Variants in RABL3 observed in about 807,000 individuals in gnomAD.
RABL3 encodes rab-like protein 3.
In RABL3, 31 loss-of-function variants were observed where a neutral mutation model predicts 31.8. The ratio of observed to expected loss-of-function variants is 0.97; its 90% CI spans 0.73 to 1.31. The LOEUF is 1.31. Ranked by LOEUF, RABL3 falls within the 40% of genes most tolerant of loss-of-function variation. RABL3 has a pLI of 0.00. For synonymous variants in RABL3, 97 were observed against 99.9 expected (o/e 0.97, Z 0.18); for missense variants, 263 against 279.6 (o/e 0.94, Z 0.42).
chr3:120,731,680 C>T (rs994421459), intron 1 of RABL3, among the ~76,000 whole-genome samples: 1 of 152,080 alleles, frequency 6.6e-6, no homozygotes, highest in African/African-American at 2.4e-5. Context: ...AAATTTAGAT[C>T]ATCTCTTTGA....
At chr3:120,725,090 C>A (rs549443427) in intron 2 of RABL3, among the ~76,000 whole-genome samples, 1,593 of 80,274 alleles carry the variant, frequency 0.02, 27 homozygotes, top group African/African-American at 0.075. Flanking sequence ...CAATGAACTC[C>A]AACAAATTTA....
At position 120,740,239 on chromosome 3, in the gene RABL3, A is replaced by G. The variant is rs369918664; in HGVS notation, c.46+2223T>C. Among the ~76,000 whole-genome samples, 122 of 152,334 alleles carry G rather than the reference A, an allele frequency of 8.0e-4. 1 individual carries two copies. The highest frequency in any genetic ancestry group is 2.8e-3 in the African/African-American group (117 of 41,570). Reference sequence around the variant, plus strand: ...AAATATCTCAATAGGATAAAAACAAATCACCAAATATCAACTTATTCTTTT... The same window carrying G: ...AAATATCTCAATAGGATAAAAACAAGTCACCAAATATCAACTTATTCTTTT... On this transcript the variant is annotated intron_variant, in intron 1 of 7. Coordinates refer to ENST00000273375, the MANE Select transcript of RABL3 (RefSeq NM_173825.5).
chr3:120,722,029 C>T (rs545223501), intron 2 of RABL3: 1 of 152,300 alleles, frequency 6.6e-6, no homozygotes, highest in Non-Finnish European at 1.5e-5. Context: ...GAAACATACT[C>T]GTAGGCGTAA....
At chr3:120,714,163 C>T (rs1030747068) in intron 2 of RABL3, among the ~76,000 whole-genome samples, 2 of 152,218 alleles carry the variant, frequency 1.3e-5, no homozygotes, top group East Asian at 1.9e-4. Context: ...AAATGATACA[C>T]ATCAAGAAAG....
intron 5 of RABL3, among the ~76,000 whole-genome samples, chr3:120,696,438 GCT>G (rs1209915141): frequency 2.0e-5 from 3 of 151,818 alleles, no homozygotes; most frequent in African/African-American, 7.3e-5. Context: ...TGTTATGTGT[GCT>G]GTGTTCTTGA....
At chr3:120,699,348 C>G (rs994820970) in intron 4 of RABL3, among the ~76,000 whole-genome samples, 3 of 152,088 alleles carry the variant, frequency 2.0e-5, no homozygotes, top group Admixed American at 1.3e-4. Flanking sequence ...GGATCACTGG[C>G]TATTACAATC....
chr3:120,709,134 A>C (rs1257773542), intron 3 of RABL3, among the ~76,000 whole-genome samples: 2 of 151,936 alleles, frequency 1.3e-5, no homozygotes, highest in Non-Finnish European at 2.9e-5. Context: ...TTTAAAAATG[A>C]ATTTTTAAAA....
At chr3:120,722,254 G>A (rs1428186830) in intron 2 of RABL3, 1 of 152,136 alleles carries the variant, frequency 6.6e-6, no homozygotes, top group African/African-American at 2.4e-5. Context: ...CTAACTTAGA[G>A]TGGTTATGTG....
intron 1 of RABL3, among the ~76,000 whole-genome samples, chr3:120,734,884 G>C (rs1456438125): frequency 6.6e-6 from 1 of 152,182 alleles, no homozygotes; most frequent in Admixed American, 6.6e-5. Flanking sequence ...TTGCATCCCA[G>C]GGATGAAGCC....
In RABL3 at chr3:120,689,842, T is replaced by C. The variant is rs767174417; in HGVS notation, c.692A>G (p.Lys231Arg). Reference sequence around the variant, plus strand: ...TGTAATTCAGTCATAATGAAGGCTCTTTAATGTTCCTGCCCCAAATCTTTT... The same window carrying C: ...TGTAATTCAGTCATAATGAAGGCTCCTTAATGTTCCTGCCCCAAATCTTTT... ...DRKRFGAGTL[K>R]SLHYD The change falls in exon 8 of 8, where the codon AAG (lysine) becomes AGG (arginine). Residue 231 changes from lysine to arginine, a missense_variant. By Grantham distance (26) the Lys-to-Arg change is conservative. Coordinates refer to ENST00000273375, the MANE Select transcript of RABL3 (RefSeq NM_173825.5). 1 of 1,613,218 alleles carries C rather than the reference T, an allele frequency of 6.2e-7. No individual in the cohort carries two copies. Among genetic ancestry groups the C allele is most frequent in the Non-Finnish European group, 8.5e-7 (1 of 1,179,282 alleles).
intron 2 of RABL3, among the ~76,000 whole-genome samples, chr3:120,728,807 A>G (rs1708851454): frequency 6.6e-6 from 1 of 152,212 alleles, no homozygotes; most frequent in South Asian, 2.1e-4. Context: ...GAAAGAGTAC[A>G]GAGAGGAGAG....
chr3:120,741,868 T>A (rs1709047386), intron 1 of RABL3, among the ~76,000 whole-genome samples: 1 of 152,214 alleles, frequency 6.6e-6, no homozygotes, highest in Admixed American at 6.5e-5. Context: ...CTACCCAATA[T>A]GTCACTGCAT....
At chr3:120,699,171 C>T (rs1042340806) in intron 4 of RABL3, among the ~76,000 whole-genome samples, 3 of 151,916 alleles carry the variant, frequency 2.0e-5, no homozygotes, top group Admixed American at 6.6e-5. Flanking sequence ...ATAGGTGATA[C>T]TATAGCCTGG....
intron 1 of RABL3, among the ~76,000 whole-genome samples, chr3:120,740,589 C>A (rs935661062): frequency 2.0e-5 from 3 of 152,116 alleles, no homozygotes; most frequent in East Asian, 1.9e-4. Context: ...ATTTGTGAAA[C>A]CCTCAAAATT....
rs986690188 is a variant in RABL3 at position 120,687,054 on chromosome 3, T to C, written c.*2769A>G. 1 of 152,156 alleles carries C rather than the reference T, an allele frequency of 6.6e-6. No individual in the cohort carries two copies. The highest frequency in any genetic ancestry group is 2.4e-5 in the African/African-American group (1 of 41,420). 9.4% of individuals were successfully genotyped at this position (152,156 alleles called of 1,614,324 possible). ...TTTCTCAAATAACAGGGTGCAATAT[T>C]TTGGGGTTATGTGTCCTGAATCCCA... On this transcript the variant is annotated 3_prime_UTR_variant, in exon 8 of 8. Transcript: ENST00000273375.
chr3:120,702,390 C>A (rs192018539), intron 4 of RABL3, among the ~76,000 whole-genome samples: 1 of 151,996 alleles, frequency 6.6e-6, no homozygotes, highest in African/African-American at 2.4e-5. Flanking sequence ...CAATAGGATT[C>A]ACGCTCCTAT....
At chr3:120,716,745 T>G (rs987845843) in intron 2 of RABL3, among the ~76,000 whole-genome samples, 1 of 152,208 alleles carries the variant, frequency 6.6e-6, no homozygotes, top group African/African-American at 2.4e-5. Context: ...ACAAAAACTA[T>G]AACTGCAATA....
Position 120,685,095 on chromosome 3 carries a change from G to A in RABL3, c.*4728C>T, listed in dbSNP as rs1173185017. ...GCACTAGTGGGCACGTAGCCCAGACGAGCAGAGCCAGGGAGGGCTTCCCAG... is the reference window on the plus strand; with the variant it reads ...GCACTAGTGGGCACGTAGCCCAGACAAGCAGAGCCAGGGAGGGCTTCCCAG... On this transcript the variant is annotated 3_prime_UTR_variant, in exon 8 of 8. Transcript: ENST00000273375. 1.3e-5 allele frequency among the ~76,000 whole-genome samples: 2 copies of A among 152,208 alleles called. No homozygotes were observed. The highest frequency in any genetic ancestry group is 1.5e-5 in the Non-Finnish European group (1 of 68,044).
intron 2 of RABL3, among the ~76,000 whole-genome samples, chr3:120,719,293 T>C (rs1035499682): frequency 1.3e-5 from 2 of 152,184 alleles, no homozygotes; most frequent in African/African-American, 4.8e-5. Context: ...GACAAATGAT[T>C]CCTGCATTTC....
Sources: gnomAD v4.1 joint callset for allele counts (sites outside exome capture counted in the v4.1 genomes callset) on GRCh38, gnomAD v4.1.1 for gene constraint, MANE v1.5 for transcripts, NCBI Gene and HGNC (gene_info 2026-07-23, HGNC 2026-07-21) for gene names.